The following KDM2A variants were observed in gnomAD, a reference collection of about 807,000 sequenced individuals.
KDM2A encodes the protein lysine-specific demethylase 2A.
KDM2A carries 3 observed loss-of-function variants against 137.3 expected under a neutral mutation model. The ratio of observed to expected loss-of-function variants is 0.02; its 90% CI spans 0.01 to 0.06. The LOEUF is 0.06. Among genes scored for constraint, KDM2A ranks in the 10% least tolerant of loss-of-function variants. KDM2A has a pLI of 1.00. For synonymous variants in KDM2A, 512 were observed against 541.5 expected (o/e 0.95, Z 0.76); for missense variants, 738 against 1,510.6 (o/e 0.49, Z 8.48).
intron 10 of KDM2A, 52 bp downstream of exon 10, chr11:67,219,455 A>G (rs1694994323): frequency 4.3e-6 from 4 of 922,462 alleles, no homozygotes; most frequent in Non-Finnish European, 6.3e-6. Context: ...TCCAGTTATG[A>G]TAGATGTTAC....
chr11:67,158,762 T>A (rs756078975), intron 2 of KDM2A, among the ~76,000 whole-genome samples: 1 of 152,184 alleles, frequency 6.6e-6, no homozygotes, highest in Non-Finnish European at 1.5e-5. Context: ...GTGCTCGTAT[T>A]ATAGGCGTGA....
intron 16 of KDM2A, among the ~76,000 whole-genome samples, chr11:67,249,434 A>G (rs1436194842): frequency 6.6e-6 from 1 of 152,260 alleles, no homozygotes; most frequent in Non-Finnish European, 1.5e-5. Flanking sequence ...TCTCCTTGCA[A>G]AAAACCTGAA....
chr11:67,254,212 A>G lies in KDM2A; in HGVS notation c.3101A>G (p.Asn1034Ser), dbSNP rs1859529149. 1 of 1,613,720 alleles carries G rather than the reference A, an allele frequency of 6.2e-7. No individual in the cohort carries two copies. The highest frequency in any genetic ancestry group is 1.3e-5 in the African/African-American group (1 of 74,944). Residue 1034 changes from asparagine to serine, a missense_variant, in exon 20 of 21, where the codon AAT (asparagine) becomes AGT (serine). Physicochemically the swap from Asn to Ser is conservative, Grantham distance 46. Coordinates refer to ENST00000529006, the MANE Select transcript of KDM2A (RefSeq NM_012308.3). This position sits in a 1 kb window ranked among gnomAD's most constrained non-coding sequence, Gnocchi z 4.7. Reference sequence around the variant, plus strand: ...TCTCTTGCCTGTACAGGTCAGGACAATCGCAGCAAGCTCCGGAACATGACC... The same window carrying G: ...TCTCTTGCCTGTACAGGTCAGGACAGTCGCAGCAAGCTCCGGAACATGACC... Reference protein sequence around the residue: ...TPPADKPGQDNRSKLRNMTDF... With the variant: ...TPPADKPGQDSRSKLRNMTDF...
chr11:67,124,280 A>G (rs1206989932), intron 2 of KDM2A, among the ~76,000 whole-genome samples: 1 of 151,886 alleles, frequency 6.6e-6, no homozygotes, highest in Non-Finnish European at 1.5e-5. Context: ...CTGGGATTAC[A>G]GGTGTGAGCC....
chr11:67,151,147 G>A (rs1856376850), intron 2 of KDM2A, among the ~76,000 whole-genome samples: 1 of 152,102 alleles, frequency 6.6e-6, no homozygotes, highest in South Asian at 2.1e-4. Context: ...TTCAGCATAC[G>A]TTGCTTTAGG....
intron 12 of KDM2A, among the ~76,000 whole-genome samples, chr11:67,232,759 G>A (rs140533552): frequency 2.4e-3 from 359 of 151,346 alleles, no homozygotes; most frequent in African/African-American, 8.1e-3. Flanking sequence ...TCAGGTTGGA[G>A]TGCAATGGCA....
At chr11:67,121,507 C>A (rs1855596471) in intron 2 of KDM2A, 149 bp downstream of exon 2, 1 of 655,848 alleles carries the variant, frequency 1.5e-6, no homozygotes, top group South Asian at 2.1e-5. Flanking sequence ...GTATTAATAT[C>A]GAATTTGGCT....
intron 2 of KDM2A, among the ~76,000 whole-genome samples, chr11:67,148,841 C>T (rs531001796): frequency 1.3e-5 from 2 of 152,046 alleles, no homozygotes; most frequent in Admixed American, 6.6e-5. Flanking sequence ...ATAATCCACA[C>T]CCTAAAGTGC....
At chr11:67,168,725 A>T (rs1856810148) in intron 2 of KDM2A, among the ~76,000 whole-genome samples, 1 of 151,790 alleles carries the variant, frequency 6.6e-6, no homozygotes, top group Admixed American at 6.6e-5. Flanking sequence ...GTGACCTGGC[A>T]GCAGTGCTGG....
At chr11:67,224,990 C>T (rs1295448672) in intron 10 of KDM2A, among the ~76,000 whole-genome samples, 1 of 151,712 alleles carries the variant, frequency 6.6e-6, no homozygotes, top group Non-Finnish European at 1.5e-5. Flanking sequence ...TACAGGTATG[C>T]ACCACCACGC....
At chr11:67,121,737 C>A (rs959104005) in intron 2 of KDM2A, among the ~76,000 whole-genome samples, 3 of 152,100 alleles carry the variant, frequency 2.0e-5, no homozygotes, top group African/African-American at 7.2e-5. Context: ...AAGGATAGTT[C>A]AATACGTTTT....
At chr11:67,208,991 G>A (rs996502596) in intron 6 of KDM2A, among the ~76,000 whole-genome samples, 1 of 151,340 alleles carries the variant, frequency 6.6e-6, no homozygotes, top group Admixed American at 6.6e-5. Context: ...TATAGAGTGC[G>A]GTGGCACGAT....
At chr11:67,145,552 T>TTTTTTTTCATTA (rs1306457344) in intron 2 of KDM2A, among the ~76,000 whole-genome samples, 4 of 152,110 alleles carry the variant, frequency 2.6e-5, no homozygotes, top group Admixed American at 6.6e-5. Context: ...GCACCCCATT[T>TTTTTTTTCATTA]TTTTTTTCAT....
chr11:67,198,505 G>A lies in KDM2A; in HGVS notation c.308-9005G>A, dbSNP rs180874533. On this transcript the variant is annotated intron_variant, in intron 5 of 20. Transcript: ENST00000529006. ...TGGGAGGCCGAGGCGGGCGGATCTC[G>A]AGGTCAGGAGATCGAGACCACGGTG... Among the ~76,000 whole-genome samples, 343 of 151,966 alleles carry A rather than the reference G, an allele frequency of 2.3e-3. 2 individuals are homozygous for A. The highest frequency in any genetic ancestry group is 7.7e-3 in the African/African-American group (319 of 41,496).
chr11:67,129,906 C>CA (rs35153256), intron 2 of KDM2A, among the ~76,000 whole-genome samples: 55 of 139,788 alleles, frequency 3.9e-4, no homozygotes, highest in East Asian at 2.3e-3. Context: ...GACTCTGTCT[C>CA]AAAAAAAAAA....
intron 7 of KDM2A, 162 bp downstream of exon 7, chr11:67,215,608 G>A: frequency 1.6e-6 from 1 of 627,882 alleles, no homozygotes; most frequent in African/African-American, 1.8e-5. Flanking sequence ...GAGTGTATGT[G>A]AGCATACCAT....
Position 67,250,409 on chromosome 11 carries a change from G to A in KDM2A, c.2379G>A (p.Lys793=). 1 of 1,614,054 alleles carries A rather than the reference G, an allele frequency of 6.2e-7. No individual in the cohort carries two copies. The highest frequency in any genetic ancestry group is 8.5e-7 in the Non-Finnish European group (1 of 1,179,904). ...KKELSEVEKA[K]IRGSYLTVTL... is the part of the protein sequence containing the mutation. ...AGCTGTCTGAAGTTGAGAAAGCCAA[G>A]ATCCGGGGATCGTACCTCACTGTCA... The change falls in exon 17 of 21, where the codon AAG becomes AAA. Residue 793 remains lysine, a synonymous_variant. Coordinates refer to ENST00000529006, the MANE Select transcript of KDM2A (RefSeq NM_012308.3). The surrounding 1 kb of genome is among the most constrained non-coding windows in gnomAD (Gnocchi z 7.1).
intron 2 of KDM2A, among the ~76,000 whole-genome samples, chr11:67,170,528 T>C (rs1856860830): frequency 6.6e-6 from 1 of 150,504 alleles, no homozygotes; most frequent in Admixed American, 6.6e-5. Context: ...TTCTCCTGCC[T>C]GAGCCTCCCG....
chr11:67,140,614 G>A (rs757041341), intron 2 of KDM2A, among the ~76,000 whole-genome samples: 4 of 152,014 alleles, frequency 2.6e-5, no homozygotes, highest in Admixed American at 1.3e-4. Context: ...TTAGCCAGGC[G>A]TTGTGGCAGG....
Sources: gnomAD v4.1 joint callset for allele counts (sites outside exome capture counted in the v4.1 genomes callset) on GRCh38, gnomAD v4.1.1 for gene constraint, Gnocchi (gnomAD v3.1) non-coding constraint, MANE v1.5 for transcripts, NCBI Gene and HGNC (gene_info 2026-07-23, HGNC 2026-07-21) for gene names.